SSH1: variants seen among roughly 807,000 people sequenced by gnomAD.
SSH1 encodes slingshot protein phosphatase 1.
Under a neutral mutation model 79.7 loss-of-function variants are expected in SSH1, and 43 were observed. That is an observed-to-expected ratio of 0.54 (90% CI 0.42 to 0.70). The LOEUF (loss-of-function observed/expected upper bound fraction) is 0.70. Among genes scored for constraint, SSH1 ranks in the 30% least tolerant of loss-of-function variants. The pLI, the probability that SSH1 is intolerant of heterozygous loss-of-function variation, is 0.00. For missense variants in SSH1, 1,206 were observed against 1,358.8 expected, an observed-to-expected ratio of 0.89 and a Z score of 1.77; for synonymous variants, 599 against 538.3, an observed-to-expected ratio of 1.11 and a Z score of -1.56.
chr12:108,848,219 G>C (rs949257271), intron 2 of SSH1, among the ~76,000 whole-genome samples: 1 of 152,188 alleles, frequency 6.6e-6, no homozygotes, highest in African/African-American at 2.4e-5. Flanking sequence ...CAGAAGAGAT[G>C]TGAGGACCTG....
In SSH1 at chr12:108,778,472, C is replaced by T. The variant is rs1327093833; in HGVS notation, c.*9516G>A. Reference sequence around the variant, plus strand: ...TTCCTGGCTGTGTGTCCCTGACCCACGTTACCTAACCTCTCTGAGCATCCA... The same window carrying T: ...TTCCTGGCTGTGTGTCCCTGACCCATGTTACCTAACCTCTCTGAGCATCCA... On this transcript the variant is annotated 3_prime_UTR_variant, in exon 15 of 15. Transcript: ENST00000326495. The T allele has an allele frequency of 6.6e-6, 1 of 152,206 alleles. No individual in the cohort carries two copies. Among genetic ancestry groups the T allele is most frequent in the Non-Finnish European group, 1.5e-5 (1 of 68,040 alleles). 9.4% of individuals were successfully genotyped at this position (152,206 alleles called of 1,614,324 possible).
intron 13 of SSH1, among the ~76,000 whole-genome samples, chr12:108,795,136 C>T (rs2137000666): frequency 6.6e-6 from 1 of 152,316 alleles, no homozygotes; most frequent in South Asian, 2.1e-4. Context: ...CCCAGGTGTG[C>T]ATCCTTAACA....
chr12:108,832,198 G>A (rs1175551867), intron 2 of SSH1, among the ~76,000 whole-genome samples: 1 of 152,030 alleles, frequency 6.6e-6, no homozygotes, highest in Non-Finnish European at 1.5e-5. Flanking sequence ...TTGGGAGGCT[G>A]AAGTGGGAGA....
At chr12:108,856,373 G>A (rs1466927843) in intron 1 of SSH1, among the ~76,000 whole-genome samples, 1 of 152,244 alleles carries the variant, frequency 6.6e-6, no homozygotes, top group Non-Finnish European at 1.5e-5. Context: ...CAACCCCAGA[G>A]GAAAAAGTGG....
chr12:108,829,596 C>T (rs1340363876), intron 2 of SSH1, among the ~76,000 whole-genome samples: 1 of 152,112 alleles, frequency 6.6e-6, no homozygotes, highest in East Asian at 1.9e-4. Context: ...TGGGTGTCTG[C>T]CCTGCTGCAT....
chr12:108,853,082 G>C (rs113319153), intron 1 of SSH1: 2,110 of 985,342 alleles, frequency 2.1e-3, no homozygotes, highest in Non-Finnish European at 2.3e-3. Context: ...GCAGAGCCAG[G>C]CAATAACAGC....
chr12:108,788,432 GAAGA>G lies in SSH1; in HGVS notation c.2702_2705del (p.Phe901SerfsTer15), dbSNP rs1592996433. On this transcript the variant is annotated frameshift_variant, in exon 15 of 15. Transcript: ENST00000326495. LOFTEE classifies it high-confidence loss of function. ...AACTACTGGTGTGGTCCAGGCGGTA[GAAGA>G]AAGGAGGGGGGCTCTTCAGTGAGCC... is the stretch of plus-strand genomic sequence containing the variant. 1.3e-6 allele frequency: 2 copies of G among 1,585,380 alleles called. No individual in the cohort carries two copies. Among genetic ancestry groups the G allele is most frequent in the East Asian group, 2.2e-5 (1 of 44,668 alleles).
chr12:108,818,036 C>T (rs1026098145), intron 4 of SSH1, among the ~76,000 whole-genome samples: 2 of 152,070 alleles, frequency 1.3e-5, no homozygotes, highest in South Asian at 2.1e-4. Flanking sequence ...CCCATATCCA[C>T]AAAATTTTTT....
intron 10 of SSH1, among the ~76,000 whole-genome samples, 191 bp downstream of exon 10, chr12:108,804,865 C>T (rs961519737): frequency 2.0e-5 from 3 of 152,226 alleles, no homozygotes; most frequent in Non-Finnish European, 4.4e-5. Flanking sequence ...AAACAGCTGG[C>T]TCAAGAGCAG....
chr12:108,797,536 A>G (rs1721831732), intron 13 of SSH1, among the ~76,000 whole-genome samples: 1 of 152,132 alleles, frequency 6.6e-6, no homozygotes, highest in Non-Finnish European at 1.5e-5. Context: ...AAAACTACCT[A>G]TAGCCCACTC....
At position 108,802,681 on chromosome 12, in the gene SSH1, G is replaced by T. The variant is rs192558846; in HGVS notation, c.955-313C>A. ...CCACTTCCTTTCCTAAGAGTCCAGT[G>T]GGGGGGGGTCCTGTAAGCAGAGGCA... On this transcript the variant is annotated intron_variant, in intron 10 of 14. Transcript: ENST00000326495. 8.4e-5 allele frequency among the ~76,000 whole-genome samples: 12 copies of T among 143,302 alleles called. No individual in the cohort carries two copies. The East Asian group carries it at 9.9e-4, about 12-fold the overall frequency. The allele number at this position is 143,302 out of a possible 152,430, so 94.0% of individuals were successfully genotyped here.
Position 108,792,460 on chromosome 12 carries a change from C to T in SSH1, c.1719G>A (p.Glu573=), listed in dbSNP as rs1289769539. 1 of 1,614,212 alleles carries T rather than the reference C, an allele frequency of 6.2e-7. No individual in the cohort carries two copies. ...LCEKDVKKKL[E]FGSPKGRSGS... ...CGCTCCGACCTTTGGGACTCCCAAA[C>T]TCTAGTTTCTTCTTCACATCCTTCT... is the stretch of plus-strand genomic sequence containing the variant. Residue 573 remains glutamate, a synonymous_variant, in exon 14 of 15, where the codon GAG becomes GAA. Coordinates refer to ENST00000326495, the MANE Select transcript of SSH1 (RefSeq NM_018984.4).
At position 108,814,884 on chromosome 12, in the gene SSH1, C is replaced by T. The variant is rs185845428; in HGVS notation, c.401+2154G>A. ...CATGGGGGCGGTGCGGACGAGCGCACGGGCCAGTCTCCTCCAGCCAGGCAG... is the reference window on the plus strand; with the variant it reads ...CATGGGGGCGGTGCGGACGAGCGCATGGGCCAGTCTCCTCCAGCCAGGCAG... On this transcript the variant is annotated intron_variant, in intron 5 of 14. Transcript: ENST00000326495. Among the ~76,000 whole-genome samples, 57 of 152,016 alleles carry T rather than the reference C, an allele frequency of 3.7e-4. 2 individuals carry two copies. The East Asian group carries it at 8.2e-3, about 22-fold the overall frequency.
At position 108,823,959 on chromosome 12, in the gene SSH1, C is replaced by G. The variant is rs548438593; in HGVS notation, c.111-598G>C. On this transcript the variant is annotated intron_variant, in intron 2 of 14. Transcript: ENST00000326495. Reference sequence around the variant, plus strand: ...CTGTGATTACAGGCGTGACCACGCCCAGCCATAACATTTTCTAAGAAAAGA... The same window carrying G: ...CTGTGATTACAGGCGTGACCACGCCGAGCCATAACATTTTCTAAGAAAAGA... 3.1e-4 allele frequency among the ~76,000 whole-genome samples: 47 copies of G among 152,286 alleles called. 1 individual carries two copies. The highest frequency in any genetic ancestry group is 1.1e-3 in the African/African-American group (47 of 41,560).
At chr12:108,853,254 T>C in intron 1 of SSH1, 1 of 985,332 alleles carries the variant, frequency 1.0e-6, no homozygotes, top group African/African-American at 1.7e-5. Flanking sequence ...TCGGTTTATT[T>C]ATATAAATGC....
chr12:108,789,367 T>A, intron 14 of SSH1, 123 bp from the exon 15 acceptor site: 1 of 1,006,452 alleles, frequency 9.9e-7, no homozygotes, highest in Non-Finnish European at 1.5e-6. Flanking sequence ...GAGGGGAGGC[T>A]CTCATTTCAC....
At chr12:108,799,303 A>AT in intron 12 of SSH1, 103 bp from the exon 13 acceptor site, 1 of 987,242 alleles carries the variant, frequency 1.0e-6, no homozygotes. Flanking sequence ...TACCCGAATC[A>AT]TTTTTTTAAA....
At position 108,781,521 on chromosome 12, in the gene SSH1, G is replaced by A. The variant is rs905349269; in HGVS notation, c.*6467C>T. On this transcript the variant is annotated 3_prime_UTR_variant, in exon 15 of 15. Coordinates refer to ENST00000326495, the MANE Select transcript of SSH1 (RefSeq NM_018984.4). ...AACTTGCATTCTGGTTTATTCATCA[G>A]TCTTTTGAGTCCAGTTGAGAGACAG... 4 of 152,222 alleles carry A rather than the reference G, an allele frequency of 2.6e-5. No individual in the cohort carries two copies. Among genetic ancestry groups the A allele is most frequent in the African/African-American group, 9.6e-5 (4 of 41,458 alleles). The allele number at this position is 152,222 out of a possible 1,614,324, so 9.4% of individuals were successfully genotyped here. A position where few individuals can be genotyped will look rare whatever the true frequency, so the allele number is the denominator to read the frequency against.
intron 2 of SSH1, chr12:108,834,384 T>A (rs2038548047): frequency 6.6e-6 from 1 of 152,244 alleles, no homozygotes; most frequent in Non-Finnish European, 1.5e-5. Flanking sequence ...CCTTTCAACA[T>A]CTTCTAGCAC....
Sources: gnomAD v4.1 joint callset for allele counts (sites outside exome capture counted in the v4.1 genomes callset) on GRCh38, gnomAD v4.1.1 for gene constraint, MANE v1.5 for transcripts, NCBI Gene and HGNC (gene_info 2026-07-23, HGNC 2026-07-21) for gene names.